Variants in HRG observed in about 807,000 individuals in gnomAD.
The protein encoded by HRG is histidine-rich glycoprotein.
HRG carries 26 observed loss-of-function variants against 29.5 expected under a neutral mutation model. That is an observed-to-expected ratio of 0.88 (90% confidence interval 0.65 to 1.22). The LOEUF (loss-of-function observed/expected upper bound fraction) is 1.22. Among genes scored for constraint, HRG ranks in the 50% most tolerant of loss-of-function variants. HRG has a pLI of 0.00. For synonymous variants in HRG, 243 were observed against 240.4 expected, an observed-to-expected ratio of 1.01 and a Z score of -0.10; for missense variants, 671 against 654.5, an observed-to-expected ratio of 1.03 and a Z score of -0.28.
At position 186,666,185 on chromosome 3, in the gene HRG, C is replaced by G. The variant is rs778212538; in HGVS notation, c.154C>G (p.Arg52Gly). 1.9e-6 allele frequency: 3 copies of G among 1,613,984 alleles called. No homozygotes were observed. The South Asian group carries it at 3.3e-5, about 18-fold the overall frequency. Residue 52 changes from arginine to glycine, a missense_variant, in exon 1 of 7, where the codon CGG (arginine) becomes GGG (glycine). Coordinates refer to ENST00000232003, the MANE Select transcript of HRG (RefSeq NM_000412.5). ...GGATGGCTACCTTTTCCAATTGCTG[C>G]GGATTGCTGATGCCCACTTGGACAG... is the stretch of plus-strand genomic sequence containing the variant. ...RRDGYLFQLL[R>G]IADAHLDRVE...
At chr3:186,666,943 C>G (rs1718630685) in intron 1 of HRG, 1 of 151,596 alleles carries the variant, frequency 6.6e-6, no homozygotes, top group Admixed American at 6.6e-5. Flanking sequence ...AGAAAACATA[C>G]AAATTTATTT....
At position 186,672,836 on chromosome 3, in the gene HRG, G is replaced by A; in HGVS notation, c.608G>A (p.Cys203Tyr). ...TTCGTGGACTTCTCTGTGCGGAACT[G>A]CCCCAGACACCATTTCCCCAGACAC... ...GYFVDFSVRN[C>Y]PRHHFPRHPN... Residue 203 changes from cysteine (C) to tyrosine (Y), a missense_variant, in exon 5 of 7, where the codon TGC becomes TAC. Transcript: ENST00000232003. 6.2e-7 allele frequency: 1 copy of A among 1,612,270 alleles called. No homozygotes were observed. The highest frequency in any genetic ancestry group is 2.2e-5 in the East Asian group (1 of 44,864).
chr3:186,668,885 C>A (rs200424943), intron 1 of HRG, 50 bp from the exon 2 acceptor site: 5 of 862,706 alleles, frequency 5.8e-6, no homozygotes, highest in African/African-American at 3.7e-5. Flanking sequence ...TAAAAAAAAA[C>A]CCGCTAGGTT....
In HRG at chr3:186,669,963, C is replaced by G; in HGVS notation, c.326C>G (p.Ala109Gly). 6.3e-7 allele frequency: 1 copy of G among 1,596,380 alleles called. No homozygotes were observed. The highest frequency in any genetic ancestry group is 8.6e-7 in the Non-Finnish European group (1 of 1,165,652). ...EIVIGQCKVI[A>G]TRHSHESQDL... ...GTGATCGGACAATGTAAGGTAATAG[C>G]TACAAGACATTCCCATGAATCTCAG... The change falls in exon 3 of 7, where the codon GCT becomes GGT. Residue 109 changes from alanine (A) to glycine (G), a missense_variant. Transcript: ENST00000232003.
rs751218381 is a variant in HRG, at chr3:186,671,779, T to C, written c.548T>C (p.Val183Ala). ...ASFRVDRIER[V>A]ARVRGGEGTG... ...TTCAGAGTGGACCGAATCGAGAGAG[T>C]TGCAAGAGTGGTGAGTCTCCACTAA... Residue 183 changes from valine (V) to alanine (A), a missense_variant, in exon 4 of 7, where the codon GTT becomes GCT. Transcript: ENST00000232003. The C allele has an allele frequency of 7.4e-6, 12 of 1,612,944 alleles. No individual in the cohort carries two copies. Among genetic ancestry groups the C allele is most frequent in the South Asian group, 1.1e-5 (1 of 91,036 alleles).
chr3:186,669,090 C>A (rs1246817287), intron 2 of HRG, 39 bp downstream of exon 2: 3 of 1,105,112 alleles, frequency 2.7e-6, no homozygotes, highest in African/African-American at 3.1e-5. Flanking sequence ...TCTTTTCATT[C>A]TTATTTTCCA....
chr3:186,667,910 G>A (rs911953581), intron 1 of HRG, among the ~76,000 whole-genome samples: 2 of 152,118 alleles, frequency 1.3e-5, no homozygotes, highest in Non-Finnish European at 2.9e-5. Flanking sequence ...AGAGAGACAT[G>A]AAGCCTGCCT....
At chr3:186,669,084 T>A (rs2108573651) in intron 2 of HRG, 33 bp downstream of exon 2, 1 of 1,128,754 alleles carries the variant, frequency 8.9e-7, no homozygotes, top group Non-Finnish European at 1.4e-6. Flanking sequence ...CTCTGCTCTT[T>A]TCATTCTTAT....
Position 186,677,493 on chromosome 3 carries a change from C to G in HRG, c.1188C>G (p.Pro396=). The G allele has an allele frequency of 6.3e-7, 1 of 1,597,024 alleles. No individual in the cohort carries two copies. The highest frequency in any genetic ancestry group is 1.3e-5 in the African/African-American group (1 of 74,478). The change falls in exon 7 of 7, where the codon CCC becomes CCG. Residue 396 remains proline (P), a synonymous_variant. Coordinates refer to ENST00000232003, the MANE Select transcript of HRG (RefSeq NM_000412.5). ...GACACCATCCTCATGGACACCACCC[C>G]CATGGACACCATCCCCATGGACACC... is the stretch of plus-strand genomic sequence containing the variant. ...PHGHHPHGHH[P]HGHHPHGHHP...
rs753363055 is a variant in HRG, at chr3:186,677,261, T to C, written c.956T>C (p.Leu319Pro). The change falls in exon 7 of 7, where the codon CTA becomes CCA. Residue 319 changes from leucine (L) to proline (P), a missense_variant. Transcript: ENST00000232003. Reference protein sequence around the residue: ...GPPLPQGPPPLLPMSCSSCQH... With the variant: ...GPPLPQGPPPPLPMSCSSCQH... ...CCACTTCCACAAGGCCCTCCTCCAC[T>C]ATTGCCCATGTCCTGCTCAAGTTGT... The C allele has an allele frequency of 1.1e-5, 18 of 1,614,064 alleles. No homozygotes were observed. The South Asian group carries it at 1.8e-4, about 16-fold the overall frequency.
chr3:186,670,442 T>C (rs969171270), intron 3 of HRG, among the ~76,000 whole-genome samples: 1 of 152,194 alleles, frequency 6.6e-6, no homozygotes, highest in African/African-American at 2.4e-5. Context: ...AAATAATTGA[T>C]GCTCAAAGAA....
At position 186,677,274 on chromosome 3, in the gene HRG, C is replaced by T. The variant is rs779909963; in HGVS notation, c.969C>T (p.Ser323=). The T allele has an allele frequency of 3.5e-5, 56 of 1,614,038 alleles. 1 individual carries two copies. The South Asian group carries it at 6.1e-4, about 18-fold the overall frequency. Reference sequence around the variant, plus strand: ...GCCCTCCTCCACTATTGCCCATGTCCTGCTCAAGTTGTCAACATGCCACTT... The same window carrying T: ...GCCCTCCTCCACTATTGCCCATGTCTTGCTCAAGTTGTCAACATGCCACTT... ...PQGPPPLLPM[S]CSSCQHATFG... The change falls in exon 7 of 7, where the codon TCC becomes TCT. Residue 323 remains serine (S), a synonymous_variant. Coordinates refer to ENST00000232003, the MANE Select transcript of HRG (RefSeq NM_000412.5).
intron 2 of HRG, 23 bp downstream of exon 2, chr3:186,669,074 C>T: frequency 2.5e-6 from 3 of 1,204,116 alleles, no homozygotes; most frequent in South Asian, 1.2e-5. Flanking sequence ...GGCACCTTCA[C>T]TCTGCTCTTT....
chr3:186,668,611 G>A, intron 1 of HRG: 1 of 337,180 alleles, frequency 3.0e-6, no homozygotes, highest in African/African-American at 2.1e-5. Context: ...ACAGATTGGA[G>A]GCCCTGATGA....
At chr3:186,666,715 C>T (rs1344534616) in intron 1 of HRG, among the ~76,000 whole-genome samples, 2 of 152,054 alleles carry the variant, frequency 1.3e-5, no homozygotes, top group African/African-American at 4.8e-5. Flanking sequence ...GAGTTCAAGA[C>T]CAGCCTGGCC....
Position 186,666,185 on chromosome 3 carries a change from C to T in HRG, c.154C>T (p.Arg52Trp), listed in dbSNP as rs778212538. The T allele has an allele frequency of 1.9e-5, 31 of 1,613,866 alleles. No individual in the cohort carries two copies. Among genetic ancestry groups the T allele is most frequent in the East Asian group, 1.1e-4 (5 of 44,894 alleles). The change falls in exon 1 of 7, where the codon CGG becomes TGG. Residue 52 changes from arginine to tryptophan, a missense_variant. Arg to Trp is a moderately radical substitution (Grantham distance 101). Transcript: ENST00000232003. Reference protein sequence around the residue: ...RRDGYLFQLLRIADAHLDRVE... With the variant: ...RRDGYLFQLLWIADAHLDRVE... ...GGATGGCTACCTTTTCCAATTGCTGCGGATTGCTGATGCCCACTTGGACAG... is the reference window on the plus strand; with the variant it reads ...GGATGGCTACCTTTTCCAATTGCTGTGGATTGCTGATGCCCACTTGGACAG...
At chr3:186,670,340 C>T (rs1156783206) in intron 3 of HRG, among the ~76,000 whole-genome samples, 2 of 152,128 alleles carry the variant, frequency 1.3e-5, no homozygotes, top group Non-Finnish European at 2.9e-5. Flanking sequence ...CTTGCTTTAG[C>T]TTGAGTCATC....
At position 186,677,865 on chromosome 3, in the gene HRG, A is replaced by G. The variant is rs991132562; in HGVS notation, c.1560A>G (p.Thr520=). Residue 520 remains threonine (T), a synonymous_variant, in exon 7 of 7, where the codon ACA becomes ACG. Coordinates refer to ENST00000232003, the MANE Select transcript of HRG (RefSeq NM_000412.5). The part of the protein sequence containing the change: ...SGFPQVSMFF[T]HTFPK ...TTCCACAAGTTTCCATGTTTTTTAC[A>G]CATACATTTCCAAAATAAAATGTGA... 1.2e-6 allele frequency: 2 copies of G among 1,613,812 alleles called. No homozygotes were observed. The highest frequency in any genetic ancestry group is 1.7e-6 in the Non-Finnish European group (2 of 1,179,692).
Position 186,677,688 on chromosome 3 carries a change from C to A in HRG, c.1383C>A (p.Leu461=). Residue 461 remains leucine, a synonymous_variant, in exon 7 of 7, where the codon CTC becomes CTA. Transcript: ENST00000232003. ...HCRQIGSVYR[L]PPLRKGEVLP... is the part of the protein sequence containing the mutation. ...GACAAATTGGATCTGTGTACCGACT[C>A]CCTCCTCTAAGAAAAGGTGAGGTGC... The A allele has an allele frequency of 6.2e-7, 1 of 1,612,604 alleles. No individual in the cohort carries two copies. The highest frequency in any genetic ancestry group is 1.1e-5 in the South Asian group (1 of 91,042).
Sources: allele counts gnomAD v4.1 joint callset (sites outside exome capture counted in the v4.1 genomes callset), GRCh38; gene constraint gnomAD v4.1.1; transcripts MANE v1.5; gene names NCBI Gene and HGNC (gene_info 2026-07-23, HGNC 2026-07-21).